The following TFCP2L1 variants were observed in gnomAD, a reference collection of about 807,000 sequenced individuals.
TFCP2L1 encodes transcription factor CP2-like protein 1.
A neutral mutation model predicts 72.2 loss-of-function variants in TFCP2L1; 12 were observed. That is an observed-to-expected ratio of 0.17 (90% CI 0.11 to 0.27). The LOEUF is 0.27. Ranked by LOEUF, TFCP2L1 falls within the 10% of genes least tolerant of loss-of-function variation. The probability of loss-of-function intolerance (pLI) is 1.00; values close to 1 mark genes in which losing one functional copy is unlikely to be tolerated. For missense variants in TFCP2L1, 488 were observed against 624.6 expected, an observed-to-expected ratio of 0.78 and a Z score of 2.33; for synonymous variants, 260 against 251.0, an observed-to-expected ratio of 1.04 and a Z score of -0.34.
intron 2 of TFCP2L1, among the ~76,000 whole-genome samples, chr2:121,266,732 G>C (rs555500569): frequency 6.6e-6 from 1 of 152,266 alleles, no homozygotes; most frequent in South Asian, 2.1e-4. Flanking sequence ...GCCCTGGTCT[G>C]TACTAAGTGC....
At chr2:121,256,340 C>T (rs529628598) in intron 2 of TFCP2L1, among the ~76,000 whole-genome samples, 6 of 152,258 alleles carry the variant, frequency 3.9e-5, no homozygotes, top group African/African-American at 1.2e-4. Flanking sequence ...TAGGAAAGAA[C>T]GAGGAGCCCA....
chr2:121,234,027 C>A (rs910553251), intron 12 of TFCP2L1, 64 bp downstream of exon 12: 1 of 1,423,988 alleles, frequency 7.0e-7, no homozygotes, highest in African/African-American at 1.4e-5. Flanking sequence ...GGCCAGACTG[C>A]GGGCTTGAAA....
chr2:121,275,402 A>G (rs1366925513), intron 2 of TFCP2L1, among the ~76,000 whole-genome samples: 1 of 150,224 alleles, frequency 6.7e-6, no homozygotes, highest in Non-Finnish European at 1.5e-5. Context: ...CCATCTCAAA[A>G]AAAAAAAAAA....
chr2:121,281,067 C>T (rs1413809810), intron 2 of TFCP2L1, 53 bp downstream of exon 2: 5 of 1,609,586 alleles, frequency 3.1e-6, no homozygotes, highest in Non-Finnish European at 3.4e-6. Flanking sequence ...CCTTTCGCAT[C>T]AGCTCCCCAC....
intron 14 of TFCP2L1, among the ~76,000 whole-genome samples, chr2:121,224,979 C>T (rs1210150763): frequency 1.5e-5 from 2 of 135,606 alleles, no homozygotes; most frequent in African/African-American, 5.8e-5. Context: ...AGCAAGACTC[C>T]ATCAAAAAAA....
chr2:121,231,319 C>A (rs1573358720), intron 13 of TFCP2L1, among the ~76,000 whole-genome samples: 2 of 152,362 alleles, frequency 1.3e-5, no homozygotes, highest in East Asian at 3.9e-4. Flanking sequence ...GGTCAGATCC[C>A]TGGAGACCAC....
intron 2 of TFCP2L1, among the ~76,000 whole-genome samples, chr2:121,253,964 C>T (rs1002362220): frequency 6.6e-5 from 10 of 152,210 alleles, no homozygotes; most frequent in South Asian, 4.1e-4. Flanking sequence ...CCAAAAGCCA[C>T]GCAGAAGGCC....
At chr2:121,239,110 T>C (rs1686309713) in intron 8 of TFCP2L1, among the ~76,000 whole-genome samples, 1 of 152,090 alleles carries the variant, frequency 6.6e-6, no homozygotes, top group Non-Finnish European at 1.5e-5. Flanking sequence ...GGGACAGCAA[T>C]GAAGCCAGTT....
At chr2:121,233,619 C>T (rs1686187743) in intron 12 of TFCP2L1, among the ~76,000 whole-genome samples, 1 of 152,286 alleles carries the variant, frequency 6.6e-6, no homozygotes, top group African/African-American at 2.4e-5. Context: ...ACAAACCAAG[C>T]TGCCAGCAAA....
intron 13 of TFCP2L1, among the ~76,000 whole-genome samples, chr2:121,228,807 A>G (rs1486821456): frequency 6.9e-6 from 1 of 145,016 alleles, no homozygotes; most frequent in African/African-American, 2.5e-5. Flanking sequence ...GCTCGCTTAG[A>G]TTTGAATGTA....
Position 121,240,406 on chromosome 2 carries a change from C to T in TFCP2L1, c.769-757G>A, listed in dbSNP as rs186656541. 2.2e-5 allele frequency: 22 copies of T among 985,410 alleles called. No homozygotes were observed. The East Asian group carries it at 2.0e-3, about 91-fold the overall frequency. 61.0% of individuals were successfully genotyped at this position (985,410 alleles called of 1,614,324 possible). A position where few individuals can be genotyped will look rare whatever the true frequency, so the allele number is the denominator to read the frequency against. On this transcript the variant is annotated intron_variant, in intron 7 of 14. Transcript: ENST00000263707. ...TCCCTTCCCTGCGATGATGCCTCTT[C>T]AGAGAGGGCCAATTTGAAGCATTCC... is the stretch of plus-strand genomic sequence containing the variant.
intron 13 of TFCP2L1, among the ~76,000 whole-genome samples, chr2:121,227,720 T>TAAACAC (rs1553431255): frequency 6.8e-6 from 1 of 147,314 alleles, no homozygotes; most frequent in African/African-American, 2.5e-5. Context: ...AAACATACAA[T>TAAACAC]ACACACACAC....
intron 2 of TFCP2L1, among the ~76,000 whole-genome samples, chr2:121,279,078 G>A (rs1687205126): frequency 6.6e-6 from 1 of 152,132 alleles, no homozygotes; most frequent in African/African-American, 2.4e-5. Context: ...AGGAGCAGGG[G>A]CCAGGGCAGG....
Position 121,285,134 on chromosome 2 carries a change from C to A in TFCP2L1, c.-25G>T. On this transcript the variant is annotated 5_prime_UTR_variant, in exon 1 of 15. Transcript: ENST00000263707. ...TGGCTGGAACTCCCAGCGCGCCGACCGGGGCGCGGCAGCAAGCGCAGACGC... is the reference window on the plus strand; with the variant it reads ...TGGCTGGAACTCCCAGCGCGCCGACAGGGGCGCGGCAGCAAGCGCAGACGC... 4 of 1,473,318 alleles carry A rather than the reference C, an allele frequency of 2.7e-6. No homozygotes were observed. The highest frequency in any genetic ancestry group is 2.9e-5 in the East Asian group (1 of 34,658). The allele number at this position is 1,473,318 out of a possible 1,614,324, so 91.3% of individuals were successfully genotyped here.
At chr2:121,246,371 G>T (rs907969603) in intron 6 of TFCP2L1, among the ~76,000 whole-genome samples, 1 of 152,204 alleles carries the variant, frequency 6.6e-6, no homozygotes, top group African/African-American at 2.4e-5. Flanking sequence ...GAGAAAAATG[G>T]CTTCAAGCCC....
intron 10 of TFCP2L1, 112 bp downstream of exon 10, chr2:121,237,511 C>T: frequency 2.4e-6 from 3 of 1,268,072 alleles, no homozygotes; most frequent in Non-Finnish European, 3.4e-6. Flanking sequence ...TCTCGGGTCT[C>T]CCAGCTGAAA....
intron 10 of TFCP2L1, among the ~76,000 whole-genome samples, chr2:121,236,980 C>G (rs563796631): frequency 7.2e-5 from 11 of 152,238 alleles, no homozygotes; most frequent in Admixed American, 2.0e-4. Flanking sequence ...CAATGCCGAG[C>G]TGAGGATGTG....
rs1573364500 is a variant in TFCP2L1 at position 121,237,619 on chromosome 2, T to C, written c.1003+4A>G. On this transcript the variant is annotated splice_donor_region_variant and intron_variant, in intron 10 of 14. Coordinates refer to ENST00000263707, the MANE Select transcript of TFCP2L1 (RefSeq NM_014553.3). The stretch of plus-strand genomic sequence containing the variant: ...GGCTTTAAACACAGTTCGGAGATGC[T>C]CACCTGAGAAGCTGGCAAAGAGCCG... 6.2e-7 allele frequency: 1 copy of C among 1,613,924 alleles called. No homozygotes were observed. The highest frequency in any genetic ancestry group is 1.7e-5 in the Admixed American group (1 of 60,000).
intron 2 of TFCP2L1, among the ~76,000 whole-genome samples, chr2:121,273,190 A>T (rs982384274): frequency 1.3e-5 from 2 of 152,202 alleles, no homozygotes; most frequent in Admixed American, 1.3e-4. Context: ...GACAGAAAAT[A>T]TCAAAGCATT....
Sources: gnomAD v4.1 joint callset for allele counts (sites outside exome capture counted in the v4.1 genomes callset) on GRCh38, gnomAD v4.1.1 for gene constraint, MANE v1.5 for transcripts, NCBI Gene and HGNC (gene_info 2026-07-23, HGNC 2026-07-21) for gene names.